The following ELMO1 variants were observed in gnomAD, a reference collection of about 807,000 sequenced individuals.
ELMO1 encodes the protein engulfment and cell motility protein 1.
Under a neutral mutation model 98.9 loss-of-function variants are expected in ELMO1, and 26 were observed. That is an observed-to-expected ratio of 0.26 (90% CI 0.19 to 0.36). The LOEUF (loss-of-function observed/expected upper bound fraction) is 0.36, where lower values mean the gene tolerates loss of function less well. ELMO1 is among the 10% of genes least tolerant of loss of function. The pLI, the probability that ELMO1 is intolerant of heterozygous loss-of-function variation, is 1.00. For missense variants in ELMO1, 627 were observed against 935.2 expected (o/e 0.67, Z 4.30); for synonymous variants, 346 against 346.0 (o/e 1.00, Z 0.00).
chr7:36,871,330 C>T (rs888821415), intron 19 of ELMO1, among the ~76,000 whole-genome samples: 1 of 152,114 alleles, frequency 6.6e-6, no homozygotes, highest in Non-Finnish European at 1.5e-5. Flanking sequence ...AAGGCCAGGC[C>T]TTTGAAACCA....
At chr7:37,297,626 G>A (rs541078284) in intron 4 of ELMO1, among the ~76,000 whole-genome samples, 33 of 148,676 alleles carry the variant, frequency 2.2e-4, no homozygotes, top group African/African-American at 8.2e-4. Context: ...AAAAAAGACA[G>A]AGAGAGGAAG....
At chr7:36,856,340 G>A (rs1429385679) in intron 21 of ELMO1, among the ~76,000 whole-genome samples, 2 of 152,190 alleles carry the variant, frequency 1.3e-5, no homozygotes, top group African/African-American at 4.8e-5. Flanking sequence ...ATAGGCTTAT[G>A]CTGCCCAGTG....
chr7:37,239,809 T>A (rs1794665122), intron 7 of ELMO1, among the ~76,000 whole-genome samples: 1 of 152,232 alleles, frequency 6.6e-6, no homozygotes, highest in East Asian at 1.9e-4. Flanking sequence ...CAGGCTCTGG[T>A]ATCCCCACCA....
intron 6 of ELMO1, among the ~76,000 whole-genome samples, chr7:37,257,907 G>C (rs1795765412): frequency 6.6e-6 from 1 of 151,648 alleles, no homozygotes; most frequent in African/African-American, 2.4e-5. Flanking sequence ...GCAGAGGCAG[G>C]CAGATCATTT....
chr7:37,424,795 G>A (rs1366640103), intron 1 of ELMO1, among the ~76,000 whole-genome samples: 2 of 151,746 alleles, frequency 1.3e-5, no homozygotes, highest in African/African-American at 4.8e-5. Context: ...TTCAATCTGG[G>A]GACCTCTTGG....
At chr7:37,177,666 T>C (rs13227685) in intron 13 of ELMO1, among the ~76,000 whole-genome samples, 3 of 152,228 alleles carry the variant, frequency 2.0e-5, no homozygotes, top group Non-Finnish European at 4.4e-5. Flanking sequence ...GTGTACCTAA[T>C]GAGAGAAAGC....
chr7:37,293,297 G>T (rs1797848843), intron 4 of ELMO1, among the ~76,000 whole-genome samples: 1 of 133,596 alleles, frequency 7.5e-6, no homozygotes, highest in Admixed American at 7.4e-5. Context: ...GTGGGGAAAA[G>T]ATTGAGAAAT....
intron 13 of ELMO1, among the ~76,000 whole-genome samples, chr7:37,163,662 G>T (rs1357387451): frequency 6.6e-6 from 1 of 152,150 alleles, no homozygotes; most frequent in Admixed American, 6.5e-5. Flanking sequence ...TCCCTACAAA[G>T]GACATGAACT....
chr7:37,177,581 CCT>C (rs1470495682), intron 13 of ELMO1, among the ~76,000 whole-genome samples: 1 of 151,980 alleles, frequency 6.6e-6, no homozygotes, highest in East Asian at 2.0e-4. Flanking sequence ...TATTTGTTTT[CCT>C]CTGTTATGTG....
At chr7:37,417,220 T>C (rs549219087) in intron 1 of ELMO1, among the ~76,000 whole-genome samples, 8 of 152,074 alleles carry the variant, frequency 5.3e-5, no homozygotes, top group South Asian at 2.1e-4. Context: ...GAAAGACACG[T>C]TGAAGTCCTT....
At chr7:36,954,583 A>G (rs1445044200) in intron 16 of ELMO1, among the ~76,000 whole-genome samples, 2 of 152,188 alleles carry the variant, frequency 1.3e-5, no homozygotes, top group Admixed American at 6.5e-5. Context: ...TATTTGGTGC[A>G]GGAGAACAAG....
intron 1 of ELMO1, among the ~76,000 whole-genome samples, chr7:37,424,660 C>G (rs1485414622): frequency 6.6e-6 from 1 of 152,006 alleles, no homozygotes; most frequent in Non-Finnish European, 1.5e-5. Context: ...TTAGCAATGC[C>G]GAAAAACCTA....
intron 13 of ELMO1, among the ~76,000 whole-genome samples, chr7:37,201,309 C>T (rs1792281197): frequency 6.6e-6 from 1 of 152,190 alleles, no homozygotes; most frequent in Non-Finnish European, 1.5e-5. Context: ...GTACTTTCAA[C>T]CCCCAAATAC....
intron 5 of ELMO1, chr7:37,270,646 T>C (rs1452440398): frequency 6.6e-6 from 1 of 152,186 alleles, no homozygotes; most frequent in African/African-American, 2.4e-5. Flanking sequence ...CTAATGTTAC[T>C]ACCTAAAGTA....
At chr7:37,115,520 G>C (rs754113131) in intron 14 of ELMO1, among the ~76,000 whole-genome samples, 3 of 151,982 alleles carry the variant, frequency 2.0e-5, no homozygotes, top group Non-Finnish European at 2.9e-5. Flanking sequence ...AATAGATACA[G>C]AAAAGCCATT....
At chr7:37,051,892 C>T (rs1249931971) in intron 15 of ELMO1, among the ~76,000 whole-genome samples, 1 of 152,156 alleles carries the variant, frequency 6.6e-6, no homozygotes, top group Non-Finnish European at 1.5e-5. Context: ...TTAGATAAAC[C>T]AGAGGCTCAG....
chr7:37,353,318 G>C (rs1204815021), intron 1 of ELMO1: 1 of 152,460 alleles, frequency 6.6e-6, no homozygotes, highest in Non-Finnish European at 1.5e-5. Flanking sequence ...GGTGTGTCCA[G>C]AGTTTGTTCC....
intron 1 of ELMO1, among the ~76,000 whole-genome samples, chr7:37,434,787 T>C (rs1375908025): frequency 6.6e-6 from 1 of 152,200 alleles, no homozygotes; most frequent in East Asian, 1.9e-4. Flanking sequence ...ACAGCCTTCA[T>C]GTGCTAGTTG....
intron 1 of ELMO1, among the ~76,000 whole-genome samples, chr7:37,427,868 A>C (rs576772560): frequency 4.6e-5 from 7 of 152,366 alleles, no homozygotes; most frequent in African/African-American, 1.7e-4. Flanking sequence ...GAAGCAATAA[A>C]GACAATAGTG....
Sources: allele counts gnomAD v4.1 joint callset (sites outside exome capture counted in the v4.1 genomes callset), GRCh38; gene constraint gnomAD v4.1.1; transcripts MANE v1.5; gene names NCBI Gene and HGNC (gene_info 2026-07-23, HGNC 2026-07-21).